The following GALNTL6 variants were observed in gnomAD, a reference collection of about 807,000 sequenced individuals.
The protein encoded by GALNTL6 is polypeptide N-acetylgalactosaminyltransferase like 6.
Under a neutral mutation model 73.7 loss-of-function variants are expected in GALNTL6, and 46 were observed. The observed-to-expected ratio is 0.62, with a 90% CI of 0.49 to 0.80. The LOEUF is 0.80. Among genes scored for constraint, GALNTL6 ranks in the 30% least tolerant of loss-of-function variants. The probability of loss-of-function intolerance (pLI) is 0.00; values close to 1 mark genes in which losing one functional copy is unlikely to be tolerated. For synonymous variants in GALNTL6, 259 were observed against 263.7 expected (o/e 0.98, Z 0.17); for missense variants, 604 against 755.0 (o/e 0.80, Z 2.34).
intron 5 of GALNTL6, among the ~76,000 whole-genome samples, chr4:172,374,769 C>CT (rs1225204807): frequency 6.6e-6 from 1 of 152,200 alleles, no homozygotes; most frequent in Non-Finnish European, 1.5e-5. Flanking sequence ...TCTCCAAACT[C>CT]TCAAGCTGCA....
intron 2 of GALNTL6, among the ~76,000 whole-genome samples, chr4:172,057,701 CAA>C (rs57041409): frequency 2.8e-3 from 174 of 63,028 alleles, no homozygotes; most frequent in Admixed American, 4.9e-3. Flanking sequence ...GACCCTGTCT[CAA>C]AAAAAAAAAA....
chr4:172,461,247 G>A (rs1732602595), intron 5 of GALNTL6, among the ~76,000 whole-genome samples: 1 of 152,158 alleles, frequency 6.6e-6, no homozygotes, highest in South Asian at 2.1e-4. Flanking sequence ...GATAGCATTA[G>A]TAGAAAAACC....
chr4:172,703,786 C>T (rs1201125887), intron 5 of GALNTL6, among the ~76,000 whole-genome samples: 1 of 151,900 alleles, frequency 6.6e-6, no homozygotes, highest in Non-Finnish European at 1.5e-5. Context: ...TCTTCTTTAA[C>T]AGTGTGGTAG....
intron 5 of GALNTL6, among the ~76,000 whole-genome samples, chr4:172,357,895 C>T (rs991647851): frequency 7.9e-5 from 12 of 152,014 alleles, no homozygotes; most frequent in African/African-American, 2.9e-4. Context: ...TTATTAAGTC[C>T]ATATCCAACT....
intron 7 of GALNTL6, among the ~76,000 whole-genome samples, chr4:172,817,106 CAA>C (rs368595063): frequency 9.4e-4 from 70 of 74,342 alleles, no homozygotes; most frequent in Admixed American, 9.4e-4. Flanking sequence ...ACTCCGTCTC[CAA>C]AAAAAAAAAA....
chr4:172,566,262 A>C (rs2110937380), intron 5 of GALNTL6, among the ~76,000 whole-genome samples: 1 of 152,296 alleles, frequency 6.6e-6, no homozygotes, highest in African/African-American at 2.4e-5. Context: ...AGGCACACAG[A>C]ACATTATCCA....
At chr4:172,745,035 T>C (rs1357072302) in intron 5 of GALNTL6, among the ~76,000 whole-genome samples, 7 of 151,980 alleles carry the variant, frequency 4.6e-5, no homozygotes, top group Non-Finnish European at 1.0e-4. Flanking sequence ...TTGGAGGTGA[T>C]CATTGAAGTA....
chr4:171,968,652 C>G (rs2111060057), intron 2 of GALNTL6, among the ~76,000 whole-genome samples: 1 of 152,274 alleles, frequency 6.6e-6, no homozygotes, highest in South Asian at 2.1e-4. Flanking sequence ...CCACAGCACT[C>G]ATTGTTTTTA....
intron 10 of GALNTL6, among the ~76,000 whole-genome samples, chr4:172,961,676 T>C (rs2610218): frequency 0.98 from 149,882 of 152,248 alleles, 73,834 homozygotes; most frequent in East Asian, 1. Flanking sequence ...TGAAAGATGG[T>C]GCCAAGATTG....
chr4:172,110,238 T>C (rs1732814556), intron 2 of GALNTL6, among the ~76,000 whole-genome samples: 2 of 152,190 alleles, frequency 1.3e-5, no homozygotes, highest in African/African-American at 4.8e-5. Context: ...ATAAAAATGT[T>C]AGATTATCTT....
At chr4:172,834,271 C>T (rs1022361677) in intron 7 of GALNTL6, among the ~76,000 whole-genome samples, 2 of 152,148 alleles carry the variant, frequency 1.3e-5, no homozygotes, top group Non-Finnish European at 2.9e-5. Flanking sequence ...GTAAAAGAAA[C>T]GCTGAGAACC....
intron 8 of GALNTL6, among the ~76,000 whole-genome samples, chr4:172,925,211 A>T (rs1035073824): frequency 6.6e-6 from 1 of 151,686 alleles, no homozygotes; most frequent in Non-Finnish European, 1.5e-5. Flanking sequence ...TGGGGCCGTA[A>T]GAAGGAAAAA....
intron 10 of GALNTL6, among the ~76,000 whole-genome samples, chr4:172,971,328 A>G (rs1227940500): frequency 1.3e-5 from 2 of 152,230 alleles, no homozygotes; most frequent in Admixed American, 1.3e-4. Flanking sequence ...ATCAAAAAGC[A>G]GTTATAAATA....
chr4:172,031,144 C>G (rs1455681797), intron 2 of GALNTL6, among the ~76,000 whole-genome samples: 1 of 152,122 alleles, frequency 6.6e-6, no homozygotes, highest in Non-Finnish European at 1.5e-5. Context: ...ACAGCCGTTT[C>G]TCGGCCTTAT....
At chr4:171,931,999 G>T (rs192464294) in intron 2 of GALNTL6, among the ~76,000 whole-genome samples, 9 of 152,222 alleles carry the variant, frequency 5.9e-5, no homozygotes, top group Admixed American at 5.2e-4. Flanking sequence ...ATAACTGATA[G>T]AACTGTTTAT....
intron 5 of GALNTL6, among the ~76,000 whole-genome samples, chr4:172,725,375 T>C (rs1735735277): frequency 6.6e-6 from 1 of 152,202 alleles, no homozygotes; most frequent in African/African-American, 2.4e-5. Context: ...GTTTTAGGAA[T>C]GCAGAATTTC....
At chr4:172,861,335 G>A (rs928005383) in intron 7 of GALNTL6, among the ~76,000 whole-genome samples, 2 of 151,484 alleles carry the variant, frequency 1.3e-5, no homozygotes, top group Non-Finnish European at 2.9e-5. Context: ...GTGTGTGTGT[G>A]TGTGTGTGTG....
intron 5 of GALNTL6, chr4:172,380,088 T>G (rs1424686294): frequency 4.5e-5 from 44 of 973,550 alleles, no homozygotes; most frequent in Admixed American, 2.6e-4. Context: ...TGGCTTGGGC[T>G]TCGTTGGTGT....
intron 9 of GALNTL6, among the ~76,000 whole-genome samples, chr4:172,951,715 T>C (rs1486795116): frequency 2.6e-5 from 4 of 152,120 alleles, no homozygotes; most frequent in Non-Finnish European, 2.9e-5. Context: ...ATGTAAAAAA[T>C]AAAAAATGTA....
Sources: allele counts gnomAD v4.1 joint callset (sites outside exome capture counted in the v4.1 genomes callset), GRCh38; gene constraint gnomAD v4.1.1; transcripts MANE v1.5; gene names NCBI Gene and HGNC (gene_info 2026-07-23, HGNC 2026-07-21).